KLHL14: variants seen among roughly 807,000 people sequenced by gnomAD.
KLHL14 encodes the protein kelch like family member 14.
Under a neutral mutation model 64.3 loss-of-function variants are expected in KLHL14, and 22 were observed. The observed-to-expected ratio is 0.34, with a 90% CI of 0.24 to 0.49. KLHL14 has a LOEUF of 0.49. Ranked by LOEUF, KLHL14 falls within the 20% of genes least tolerant of loss-of-function variation. The pLI, the probability that KLHL14 is intolerant of heterozygous loss-of-function variation, is 0.99. For synonymous variants in KLHL14, 322 were observed against 333.4 expected, an observed-to-expected ratio of 0.97 and a Z score of 0.37; for missense variants, 661 against 789.0, an observed-to-expected ratio of 0.84 and a Z score of 1.94.
intron 3 of KLHL14, among the ~76,000 whole-genome samples, chr18:32,698,448 C>T (rs535379415): frequency 6.6e-6 from 1 of 152,280 alleles, no homozygotes; most frequent in African/African-American, 2.4e-5. Flanking sequence ...CCATCAGCCA[C>T]TGTGAAAGTG....
chr18:32,691,132 A>C (rs2049905539), intron 4 of KLHL14, among the ~76,000 whole-genome samples: 1 of 152,228 alleles, frequency 6.6e-6, no homozygotes, highest in African/African-American at 2.4e-5. Context: ...TTCATAGGAA[A>C]GTAGAACCTA....
chr18:32,739,551 T>A (rs2050184231), intron 3 of KLHL14, among the ~76,000 whole-genome samples: 1 of 151,988 alleles, frequency 6.6e-6, no homozygotes, highest in Non-Finnish European at 1.5e-5. Context: ...CATTGTTAAG[T>A]AGAGTAAACA....
chr18:32,750,976 CT>C (rs1345864903), intron 2 of KLHL14, among the ~76,000 whole-genome samples: 7 of 152,150 alleles, frequency 4.6e-5, no homozygotes, highest in African/African-American at 1.4e-4. Flanking sequence ...TCCTTTCTCT[CT>C]TTTTTTCTCC....
At chr18:32,748,054 C>T (rs1253090485) in intron 2 of KLHL14, among the ~76,000 whole-genome samples, 1 of 152,180 alleles carries the variant, frequency 6.6e-6, no homozygotes, top group Admixed American at 6.5e-5. Flanking sequence ...CATTGCGGTA[C>T]TTAATTCCAC....
intron 3 of KLHL14, among the ~76,000 whole-genome samples, chr18:32,741,611 T>C (rs974630617): frequency 6.6e-6 from 1 of 152,192 alleles, no homozygotes. Context: ...TGCTTTTCAA[T>C]GAACAACAAC....
At position 32,683,822 on chromosome 18, in the gene KLHL14, T is replaced by C. The variant is rs1453782497; in HGVS notation, c.1239-3223A>G. Among the ~76,000 whole-genome samples, 2 of 152,228 alleles carry C rather than the reference T, an allele frequency of 1.3e-5. No homozygotes were observed. Among genetic ancestry groups the C allele is most frequent in the Non-Finnish European group, 2.9e-5 (2 of 68,034 alleles). On this transcript the variant is annotated intron_variant, in intron 5 of 8. Transcript: ENST00000359358. The surrounding 1 kb of genome is among the most constrained non-coding windows in gnomAD (Gnocchi z 4.2). The stretch of plus-strand genomic sequence containing the variant: ...AGATTGGATTACTATATCCTTACCC[T>C]GCTTGAATTTTTGACTTTTGTCGTT...
intron 5 of KLHL14, among the ~76,000 whole-genome samples, chr18:32,682,731 A>C (rs545457086): frequency 2.5e-4 from 38 of 152,226 alleles, no homozygotes; most frequent in Non-Finnish European, 5.3e-4. Context: ...ATGATAGGTC[A>C]AAGTTATTCT....
chr18:32,767,652 T>C (rs1412593991), intron 2 of KLHL14, among the ~76,000 whole-genome samples: 4 of 152,212 alleles, frequency 2.6e-5, no homozygotes, highest in African/African-American at 9.6e-5. Flanking sequence ...CAGCAGGCAC[T>C]AGCTGGTGTG....
At chr18:32,707,823 G>T (rs2049998077) in intron 3 of KLHL14, among the ~76,000 whole-genome samples, 1 of 152,158 alleles carries the variant, frequency 6.6e-6, no homozygotes. Context: ...GTTTTGCTTT[G>T]TATCCTTTTG....
At chr18:32,714,054 CAAGTA>C (rs1338322848) in intron 3 of KLHL14, among the ~76,000 whole-genome samples, 2 of 152,010 alleles carry the variant, frequency 1.3e-5, no homozygotes, top group Non-Finnish European at 2.9e-5. Context: ...AATTATGTAA[CAAGTA>C]AATTATTGAT....
At chr18:32,732,033 C>CA (rs2050139597) in intron 3 of KLHL14, among the ~76,000 whole-genome samples, 1 of 152,046 alleles carries the variant, frequency 6.6e-6, no homozygotes, top group South Asian at 2.1e-4. Flanking sequence ...CCAGCTTGGC[C>CA]AACATGGCAA....
intron 3 of KLHL14, among the ~76,000 whole-genome samples, chr18:32,715,395 G>A (rs9953121): frequency 0.24 from 36,571 of 152,046 alleles, 4,617 homozygotes; most frequent in Middle Eastern, 0.32. Flanking sequence ...TTCCAAGTGG[G>A]TAAATTGCTT....
chr18:32,694,506 T>G (rs1442739543), intron 4 of KLHL14, among the ~76,000 whole-genome samples: 1 of 152,216 alleles, frequency 6.6e-6, no homozygotes, highest in African/African-American at 2.4e-5. Context: ...ACAACAAAGC[T>G]GCAGGTCTTG....
chr18:32,709,768 A>C (rs1311053636), intron 3 of KLHL14, among the ~76,000 whole-genome samples: 1 of 152,220 alleles, frequency 6.6e-6, no homozygotes, highest in Non-Finnish European at 1.5e-5. Context: ...AATGTGTAGA[A>C]AAATGCTTTG....
At chr18:32,707,078 T>C (rs1288615700) in intron 3 of KLHL14, among the ~76,000 whole-genome samples, 2 of 152,180 alleles carry the variant, frequency 1.3e-5, no homozygotes, top group Non-Finnish European at 2.9e-5. Context: ...AGAAGATTAA[T>C]TGCCAGTTGA....
intron 2 of KLHL14, among the ~76,000 whole-genome samples, chr18:32,762,685 A>G (rs1046009483): frequency 2.0e-5 from 3 of 152,152 alleles, no homozygotes; most frequent in Non-Finnish European, 4.4e-5. Context: ...TCTCTGGTTA[A>G]GTGATCCTCC....
chr18:32,690,534 G>GC (rs1173747015), intron 4 of KLHL14, among the ~76,000 whole-genome samples: 1 of 152,058 alleles, frequency 6.6e-6, no homozygotes, highest in Admixed American at 6.6e-5. Flanking sequence ...TTCGAGACCA[G>GC]CCTGGCCAAC....
In KLHL14 at chr18:32,769,900, G is replaced by C. The variant is rs1324018610; in HGVS notation, c.692C>G (p.Pro231Arg). 8 of 1,614,108 alleles carry C rather than the reference G, an allele frequency of 5.0e-6. No individual in the cohort carries two copies. The highest frequency in any genetic ancestry group is 5.9e-6 in the Non-Finnish European group (7 of 1,180,038). Residue 231 changes from proline (P) to arginine (R), a missense_variant, in exon 2 of 9, where the codon CCC becomes CGC. Coordinates refer to ENST00000359358, the MANE Select transcript of KLHL14 (RefSeq NM_020805.3). The stretch of plus-strand genomic sequence containing the variant: ...GAAGAGCGCCAGCTCCGACTCCACG[G>C]GGGGCGGCAGCGAGTCCAGCAGGGC... ...MRALLDSLPP[P>R]VESELALFQM...
chr18:32,710,851 G>C (rs988316388), intron 3 of KLHL14, among the ~76,000 whole-genome samples: 2 of 152,142 alleles, frequency 1.3e-5, no homozygotes, highest in African/African-American at 4.8e-5. Context: ...CTGTTGAACT[G>C]TTAGGCACCT....
Sources: gnomAD v4.1 joint callset for allele counts (sites outside exome capture counted in the v4.1 genomes callset) on GRCh38, gnomAD v4.1.1 for gene constraint, Gnocchi (gnomAD v3.1) non-coding constraint, MANE v1.5 for transcripts, NCBI Gene and HGNC (gene_info 2026-07-23, HGNC 2026-07-21) for gene names.